The following MYO7B variants were observed in gnomAD, a reference collection of about 807,000 sequenced individuals.
MYO7B encodes the protein unconventional myosin-VIIb.
In MYO7B, 212 loss-of-function variants were observed where a neutral mutation model predicts 259.7. The observed-to-expected ratio is 0.82, with a 90% CI of 0.73 to 0.91. The LOEUF (loss-of-function observed/expected upper bound fraction) is 0.91, where lower values mean the gene tolerates loss of function less well. MYO7B is among the 40% of genes least tolerant of loss of function. The pLI is 0.00. For missense variants in MYO7B, 2,732 were observed against 2,813.5 expected, an observed-to-expected ratio of 0.97 and a Z score of 0.66; for synonymous variants, 1,197 against 1,166.4, an observed-to-expected ratio of 1.03 and a Z score of -0.54.
In MYO7B at chr2:127,637,139, G is replaced by A. The variant is rs935417505; in HGVS notation, c.6328-177G>A. The A allele has an allele frequency of 1.1e-5, 10 of 927,574 alleles. No individual in the cohort carries two copies. The African/African-American group carries it at 1.1e-4, about 11-fold the overall frequency. The allele number at this position is 927,574 out of a possible 1,614,324, so 57.5% of individuals were successfully genotyped here. On this transcript the variant is annotated intron_variant, in intron 47 of 47. Coordinates refer to ENST00000409816, the MANE Select transcript of MYO7B (RefSeq NM_001393586.1). ...GCCCTTGGCCCATTCCAAGGAGGGA[G>A]GGAGACCCAGCTCCAGCAGGGCAAG... is the stretch of plus-strand genomic sequence containing the variant.
chr2:127,537,912 A>T (rs368536560), intron 1 of MYO7B, among the ~76,000 whole-genome samples: 3 of 152,216 alleles, frequency 2.0e-5, no homozygotes, highest in South Asian at 4.1e-4. Context: ...CTCAGGATGA[A>T]GTCAAGTTTT....
chr2:127,563,681 T>G (rs1165470681), intron 2 of MYO7B, among the ~76,000 whole-genome samples: 1 of 152,192 alleles, frequency 6.6e-6, no homozygotes, highest in African/African-American at 2.4e-5. Context: ...TTCTGGAACC[T>G]ACAGCTGGGG....
At chr2:127,612,173 C>T in intron 24 of MYO7B, 77 bp from the exon 25 acceptor site, 1 of 516,924 alleles carries the variant, frequency 1.9e-6, no homozygotes, top group Non-Finnish European at 3.7e-6. Flanking sequence ...ACGTGCTCCA[C>T]CCCAGGAGGC....
intron 24 of MYO7B, 54 bp downstream of exon 24, chr2:127,610,070 C>T (rs1265502180): frequency 6.3e-7 from 1 of 1,583,844 alleles, no homozygotes; most frequent in Non-Finnish European, 8.6e-7. Context: ...AGGTGCCTAC[C>T]AGGGCCCAGT....
chr2:127,569,207 C>CAA (rs35076829), intron 5 of MYO7B, among the ~76,000 whole-genome samples: 4,386 of 76,962 alleles, frequency 0.057, 186 homozygotes, highest in Non-Finnish European at 0.066. Context: ...GACTCCGTCT[C>CAA]AAAAAAAAAA....
chr2:127,583,064 G>T (rs928964869), intron 12 of MYO7B, among the ~76,000 whole-genome samples: 1 of 152,220 alleles, frequency 6.6e-6, no homozygotes, highest in African/African-American at 2.4e-5. Context: ...CCAGCAAGAG[G>T]AGTCCCATGA....
chr2:127,544,919 G>T (rs1019179140), intron 1 of MYO7B, among the ~76,000 whole-genome samples: 1 of 151,762 alleles, frequency 6.6e-6, no homozygotes, highest in African/African-American at 2.4e-5. Flanking sequence ...TAGAGATGGG[G>T]TTTCACTGTG....
chr2:127,580,683 C>A (rs367701796), intron 9 of MYO7B, 63 bp from the exon 10 acceptor site: 5 of 1,503,924 alleles, frequency 3.3e-6, no homozygotes, highest in South Asian at 2.4e-5. Context: ...CCGGGCCAGT[C>A]GGGACCTTGC....
Position 127,612,507 on chromosome 2 carries a change from C to A in MYO7B, c.3302C>A (p.Ala1101Glu). 1 of 1,562,628 alleles carries A rather than the reference C, an allele frequency of 6.4e-7. No homozygotes were observed. Residue 1101 changes from alanine to glutamate, a missense_variant, in exon 26 of 48, where the codon GCA becomes GAA. Around this residue, in one of 3 missense-constraint regions of MYO7B, gnomAD observed 1,906 missense variants for 2,026.4 expected, o/e 0.94. Coordinates refer to ENST00000409816, the MANE Select transcript of MYO7B (RefSeq NM_001393586.1). ...VASQLNIGEE[A>E]LEPDGLGADR... ...AGCCAGCTGAACATTGGAGAGGAGG[C>A]ATTGGAGCCTGATGGCCTTGGTGCA...
Position 127,576,796 on chromosome 2 carries a change from G to A in MYO7B, c.849+88G>A. Reference sequence around the variant, plus strand: ...CTCCACCCTCCGCGACAGCTGCAGAGAAGCCCAACGCTGGCCGGGCCCCTG... The same window carrying A: ...CTCCACCCTCCGCGACAGCTGCAGAAAAGCCCAACGCTGGCCGGGCCCCTG... On this transcript the variant is annotated intron_variant, in intron 8 of 47. Coordinates refer to ENST00000409816, the MANE Select transcript of MYO7B (RefSeq NM_001393586.1). This position sits in a 1 kb window ranked among gnomAD's most constrained non-coding sequence, Gnocchi z 4.9. 2.1e-6 allele frequency: 2 copies of A among 945,378 alleles called. No homozygotes were observed. Among genetic ancestry groups the A allele is most frequent in the Admixed American group, 2.4e-5 (1 of 41,882 alleles). 58.6% of individuals were successfully genotyped at this position (945,378 alleles called of 1,614,324 possible). A position where few individuals can be genotyped will look rare whatever the true frequency, so the allele number is the denominator to read the frequency against.
intron 17 of MYO7B, 46 bp downstream of exon 17, chr2:127,592,992 C>T: frequency 7.1e-7 from 1 of 1,414,356 alleles, no homozygotes; most frequent in South Asian, 1.2e-5. Flanking sequence ...CCGCGGCCTT[C>T]CCCTCGGCCT....
At chr2:127,629,610 A>G (rs1681350663) in intron 34 of MYO7B, 35 bp from the exon 35 acceptor site, 1 of 1,593,722 alleles carries the variant, frequency 6.3e-7, no homozygotes, top group Admixed American at 1.7e-5. Context: ...TGGCCCCTGC[A>G]GAGCCCTCAG....
chr2:127,610,037 G>A (rs1171041095), intron 24 of MYO7B, 21 bp downstream of exon 24: 19 of 1,604,012 alleles, frequency 1.2e-5, no homozygotes, highest in Non-Finnish European at 1.6e-5. Context: ...GGCAGCAGCG[G>A]GCAGAGGAGG....
At chr2:127,575,221 A>G (rs117175760) in intron 7 of MYO7B, among the ~76,000 whole-genome samples, 2 of 152,242 alleles carry the variant, frequency 1.3e-5, no homozygotes, top group East Asian at 1.9e-4. Context: ...CTTTATCCCT[A>G]TTGTACAGAT....
chr2:127,630,534 C>A (rs905011998), intron 35 of MYO7B, among the ~76,000 whole-genome samples: 2 of 152,118 alleles, frequency 1.3e-5, no homozygotes, highest in East Asian at 1.9e-4. Context: ...GCCCCCAGAA[C>A]GGGTGATGTG....
chr2:127,625,622 C>A, intron 31 of MYO7B, 87 bp downstream of exon 31: 5 of 1,336,504 alleles, frequency 3.7e-6, no homozygotes, highest in Non-Finnish European at 4.9e-6. Context: ...AGATGGATTC[C>A]CTCCCCACAA....
chr2:127,567,978 C>T (rs958559805), intron 5 of MYO7B, among the ~76,000 whole-genome samples: 1 of 152,180 alleles, frequency 6.6e-6, no homozygotes, highest in Non-Finnish European at 1.5e-5. Flanking sequence ...GAATGAAGTC[C>T]TAAGGCACAG....
chr2:127,635,158 C>T lies in MYO7B; in HGVS notation c.5752C>T (p.Arg1918Trp), dbSNP rs777017798. 16 of 1,613,540 alleles carry T rather than the reference C, an allele frequency of 9.9e-6. No homozygotes were observed. Among genetic ancestry groups the T allele is most frequent in the Middle Eastern group, 3.3e-4 (2 of 6,058 alleles). The change falls in exon 43 of 48, where the codon CGG (arginine) becomes TGG (tryptophan). Residue 1918 changes from arginine (R) to tryptophan (W), a missense_variant. Around this residue, in one of 3 missense-constraint regions of MYO7B, gnomAD observed 821 missense variants for 769.3 expected, o/e 1.07. Transcript: ENST00000409816. ...VTLPYQVYFM[R>W]KLWLNISPGK... ...GCTCCCCTACCAGGTGTACTTCATG[C>T]GGAAATTGTGGCTCAACATATCTCC...
At chr2:127,591,732 C>T (rs1679567820) in intron 16 of MYO7B, among the ~76,000 whole-genome samples, 1 of 152,200 alleles carries the variant, frequency 6.6e-6, no homozygotes, top group African/African-American at 2.4e-5. Flanking sequence ...CCCTCAGAGA[C>T]TCCTGGCTTG....
Sources: gnomAD v4.1 joint callset for allele counts (sites outside exome capture counted in the v4.1 genomes callset) on GRCh38, gnomAD v4.1.1 for gene constraint, gnomAD v4.1.1 regional missense constraint, Gnocchi (gnomAD v3.1) non-coding constraint, MANE v1.5 for transcripts, NCBI Gene and HGNC (gene_info 2026-07-23, HGNC 2026-07-21) for gene names.